The following POMGNT1 variants were observed in gnomAD, a reference collection of about 807,000 sequenced individuals.
POMGNT1 encodes protein O-linked mannose N-acetylglucosaminyltransferase 1 (beta 1,2-), also known as protein O-linked-mannose beta-1,2-N-acetylglucosaminyltransferase 1.
POMGNT1 carries 67 observed loss-of-function variants against 95.6 expected under a neutral mutation model. The observed-to-expected ratio is 0.70, with a 90% confidence interval of 0.58 to 0.86. The LOEUF (loss-of-function observed/expected upper bound fraction) is 0.86. POMGNT1 is among the 40% of genes least tolerant of loss of function. POMGNT1 has a pLI of 0.00. For synonymous variants in POMGNT1, 298 were observed against 317.9 expected (o/e 0.94, Z 0.66); for missense variants, 719 against 855.2 (o/e 0.84, Z 1.99).
Position 46,190,457 on chromosome 1 carries a change from T to A in POMGNT1, c.1649+16A>T. 6.3e-7 allele frequency: 1 copy of A among 1,576,312 alleles called. No homozygotes were observed. Among genetic ancestry groups the A allele is most frequent in the Non-Finnish European group, 8.7e-7 (1 of 1,145,618 alleles). ...CTCTTTGCTCCCTGCTACACCCCAA[T>A]TGTCCTAGGCCATACCTGAGCAGCC... On this transcript the variant is annotated intron_variant, in intron 19 of 21. Transcript: ENST00000371984.
chr1:46,197,651 A>G, intron 2 of POMGNT1, 51 bp downstream of exon 2: 1 of 1,611,176 alleles, frequency 6.2e-7, no homozygotes, highest in Non-Finnish European at 8.5e-7. Flanking sequence ...TTAGGTGGGG[A>G]GGAAGCTGGG....
intron 8 of POMGNT1, 36 bp downstream of exon 8, chr1:46,194,517 C>T (rs1658060763): frequency 1.2e-5 from 20 of 1,614,188 alleles, no homozygotes; most frequent in Non-Finnish European, 1.7e-5. Flanking sequence ...CACCCCCAGC[C>T]CAGGCCCTGC....
Position 46,196,676 on chromosome 1 carries a change from G to A in POMGNT1, c.354+55C>T. On this transcript the variant is annotated intron_variant, in intron 4 of 21. Coordinates refer to ENST00000371984, the MANE Select transcript of POMGNT1 (RefSeq NM_017739.4). This position sits in a 1 kb window ranked among gnomAD's most constrained non-coding sequence, Gnocchi z 4.4. ...TTAGGCAGTAGACCCTGCTGCCAGT[G>A]GACCATGCCCTGAGCAGAATAGAGT... The A allele has an allele frequency of 1.2e-6, 2 of 1,613,166 alleles. No homozygotes were observed. Among genetic ancestry groups the A allele is most frequent in the Non-Finnish European group, 1.7e-6 (2 of 1,179,970 alleles).
At chr1:46,209,673 G>C (rs1428184391) in intron 1 of POMGNT1, among the ~76,000 whole-genome samples, 1 of 150,972 alleles carries the variant, frequency 6.6e-6, no homozygotes, top group Non-Finnish European at 1.5e-5. Flanking sequence ...CCACCACACA[G>C]CTAATTTTTG....
intron 18 of POMGNT1, 50 bp from the exon 19 acceptor site, chr1:46,190,567 C>G (rs759275828): frequency 6.5e-7 from 1 of 1,547,966 alleles, no homozygotes; most frequent in South Asian, 1.1e-5. Flanking sequence ...CCCTCAGGTC[C>G]CATGGGTAGC....
intron 1 of POMGNT1, chr1:46,203,604 A>C (rs62620991): frequency 0.031 from 49,341 of 1,598,552 alleles, 971 homozygotes; most frequent in Non-Finnish European, 0.034. Flanking sequence ...GGACAAGATC[A>C]TGGCGCTGAA....
rs1658369687 is a variant in POMGNT1 at position 46,197,864 on chromosome 1, T to C, written c.-43A>G. 6.2e-7 allele frequency: 1 copy of C among 1,612,742 alleles called. No individual in the cohort carries two copies. The highest frequency in any genetic ancestry group is 2.2e-5 in the East Asian group (1 of 44,856). ...CCAATGTCCTGGCCAGCCCATGACT[T>C]CAGGAATCTGAAGGGACCAGAGGGC... On this transcript the variant is annotated 5_prime_UTR_variant, in exon 2 of 22. Transcript: ENST00000371984.
Position 46,196,716 on chromosome 1 carries a change from C to T in POMGNT1, c.354+15G>A, listed in dbSNP as rs1163408198. On this transcript the variant is annotated intron_variant, in intron 4 of 21. Coordinates refer to ENST00000371984, the MANE Select transcript of POMGNT1 (RefSeq NM_017739.4). This position sits in a 1 kb window ranked among gnomAD's most constrained non-coding sequence, Gnocchi z 4.4. ...CAGAATAGAGTGACTGTACACCAGACCCTGGCCCACTGACCGTGGTGCCAT... is the reference window on the plus strand; with the variant it reads ...CAGAATAGAGTGACTGTACACCAGATCCTGGCCCACTGACCGTGGTGCCAT... 8 of 1,613,956 alleles carry T rather than the reference C, an allele frequency of 5.0e-6. No homozygotes were observed. The highest frequency in any genetic ancestry group is 1.7e-5 in the Admixed American group (1 of 60,008).
chr1:46,213,812 G>A lies in POMGNT1; in HGVS notation c.-51+5893C>T, dbSNP rs978527876. Reference sequence around the variant, plus strand: ...CTAGGATACTGACAGCCTTGCTTACGTTATACTCTCTAGAGTGGTATAATA... The same window carrying A: ...CTAGGATACTGACAGCCTTGCTTACATTATACTCTCTAGAGTGGTATAATA... On this transcript the variant is annotated intron_variant, in intron 1 of 22. Transcript: ENST00000371992. 5.9e-5 allele frequency among the ~76,000 whole-genome samples: 9 copies of A among 151,458 alleles called. No homozygotes were observed. In the East Asian group the frequency reaches 1.2e-3, roughly 20 times the overall value.
upstream of POMGNT1, chr1:46,203,350 AGC>A: frequency 7.5e-7 from 1 of 1,338,012 alleles, no homozygotes; most frequent in Non-Finnish European, 9.9e-7. Context: ...GCTCCGCTTT[AGC>A]AGCGGCGAAG....
At chr1:46,190,642 C>G (rs1657691904) in intron 18 of POMGNT1, 78 bp downstream of exon 18, 1 of 1,540,708 alleles carries the variant, frequency 6.5e-7, no homozygotes, top group African/African-American at 1.4e-5. Flanking sequence ...CACACAGGCC[C>G]AGCATTGGAA....
At chr1:46,220,100 G>A (rs1193685004) in exon 1 of POMGNT1, 5 of 1,614,106 alleles carry the variant, frequency 3.1e-6, no homozygotes, top group African/African-American at 1.3e-5. Context: ...CTGTGTGGAA[G>A]CCCCCAGGGG....
At chr1:46,204,276 T>A (rs1658644385) in intron 1 of POMGNT1, among the ~76,000 whole-genome samples, 1 of 152,184 alleles carries the variant, frequency 6.6e-6, no homozygotes, top group Non-Finnish European at 1.5e-5. Flanking sequence ...CCAGGTAAAC[T>A]GGATATTTGG....
intron 1 of POMGNT1, chr1:46,219,677 A>G: frequency 6.4e-7 from 1 of 1,550,642 alleles, no homozygotes; most frequent in Non-Finnish European, 8.7e-7. Flanking sequence ...ACTGGGACTA[A>G]TTCCTTCTCC....
Position 46,194,573 on chromosome 1 carries a change from A to G in POMGNT1, c.731T>C (p.Val244Ala), listed in dbSNP as rs1167041593. ...TCCACCTTCTGCTGAGCTCAATGGC[A>G]CATCTGTCTTCAGCAGGACTGGGTC... is the stretch of plus-strand genomic sequence containing the variant. The part of the protein sequence containing the change: ...WGDPVLLKTD[V>A]PLSSAEEAEC... Residue 244 changes from valine (V) to alanine (A), a missense_variant, in exon 8 of 22, where the codon GTG (valine) becomes GCG (alanine). By Grantham distance (64) the Val-to-Ala change is moderately conservative (BLOSUM62 0). Coordinates refer to ENST00000371984, the MANE Select transcript of POMGNT1 (RefSeq NM_017739.4). 1 of 1,613,984 alleles carries G rather than the reference A, an allele frequency of 6.2e-7. No individual in the cohort carries two copies. Among genetic ancestry groups the G allele is most frequent in the Non-Finnish European group, 8.5e-7 (1 of 1,180,024 alleles).
intron 1 of POMGNT1, chr1:46,203,459 C>G: frequency 6.6e-7 from 1 of 1,504,034 alleles, no homozygotes; most frequent in Non-Finnish European, 8.9e-7. Context: ...AGACGCCTGA[C>G]CTGCGGGATG....
At chr1:46,203,334 G>C, upstream of POMGNT1, 1 of 1,194,084 alleles carries the variant, frequency 8.4e-7, no homozygotes, top group Non-Finnish European at 1.1e-6. Context: ...GGGACCCACC[G>C]GTTTTGCTCC....
intron 1 of POMGNT1, among the ~76,000 whole-genome samples, chr1:46,210,611 G>C (rs1658862779): frequency 6.6e-6 from 1 of 152,072 alleles, no homozygotes; most frequent in African/African-American, 2.4e-5. Context: ...AGAACTCAGG[G>C]AAACACATTT....
At chr1:46,216,850 C>A (rs771049620) in intron 1 of POMGNT1, among the ~76,000 whole-genome samples, 9 of 152,186 alleles carry the variant, frequency 5.9e-5, no homozygotes, top group Non-Finnish European at 1.0e-4. Context: ...TGTTCATATA[C>A]CCAATGTTTA....
Sources: gnomAD v4.1 joint callset for allele counts (sites outside exome capture counted in the v4.1 genomes callset) on GRCh38, gnomAD v4.1.1 for gene constraint, Gnocchi (gnomAD v3.1) non-coding constraint, MANE v1.5 for transcripts, NCBI Gene and HGNC (gene_info 2026-07-23, HGNC 2026-07-21) for gene names.